The following ASF1B variants were observed in gnomAD, a reference collection of about 807,000 sequenced individuals.
ASF1B encodes anti-silencing function 1B histone chaperone.
In ASF1B, 10 loss-of-function variants were observed where a neutral mutation model predicts 16.6. That is an observed-to-expected ratio of 0.60 (90% CI 0.37 to 1.02). The LOEUF is 1.02. Among genes scored for constraint, ASF1B ranks in the 50% least tolerant of loss-of-function variants. ASF1B has a pLI of 0.01. For missense variants in ASF1B, 240 were observed against 266.0 expected (o/e 0.90, Z 0.68); for synonymous variants, 101 against 106.2 (o/e 0.95, Z 0.30).
chr19:14,136,212 G>A, intron 1 of ASF1B, 136 bp downstream of exon 1: 1 of 658,924 alleles, frequency 1.5e-6, no homozygotes. Flanking sequence ...TGACTGGCGG[G>A]CTGGGGGAGA....
chr19:14,128,257 C>T (rs1338552588), intron 1 of ASF1B, among the ~76,000 whole-genome samples: 1 of 152,188 alleles, frequency 6.6e-6, no homozygotes, highest in Non-Finnish European at 1.5e-5. Context: ...GTTCCTTGGT[C>T]CAGTGTCCCA....
intron 1 of ASF1B, among the ~76,000 whole-genome samples, chr19:14,133,150 AAATAAT>A (rs539390933): frequency 6.8e-6 from 1 of 146,752 alleles, no homozygotes; most frequent in Non-Finnish European, 1.5e-5. Flanking sequence ...ATAAATAAAT[AAATAAT>A]AATAATAGCA....
intron 3 of ASF1B, chr19:14,121,206 A>C: frequency 2.4e-6 from 1 of 424,708 alleles, no homozygotes; most frequent in South Asian, 5.7e-5. Context: ...CTGCAGCCTC[A>C]AACTCCTGGG....
At position 14,120,531 on chromosome 19, in the gene ASF1B, A is replaced by G. The variant is rs756444397; in HGVS notation, c.537T>C (p.Thr179=). 4 of 1,613,328 alleles carry G rather than the reference A, an allele frequency of 2.5e-6. No homozygotes were observed. In the Admixed American group the frequency reaches 6.7e-5, roughly 27 times the overall value. ...SLGCGLPLNC[T]PIKGLGLPGC... is the part of the protein sequence containing the mutation. ...CAGGGAGCCCCAAGCCCTTGATAGG[A>G]GTGCAGTTGAGTGGGAGGCCGCAGC... The change falls in exon 4 of 4, where the codon ACT becomes ACC. Residue 179 remains threonine, a synonymous_variant. Transcript: ENST00000263382.
At chr19:14,135,283 T>A (rs185050222) in intron 1 of ASF1B, among the ~76,000 whole-genome samples, 105 of 150,960 alleles carry the variant, frequency 7.0e-4, no homozygotes, top group African/African-American at 2.5e-3. Context: ...GAAAAATTGC[T>A]GCAGTAACTC....
intron 1 of ASF1B, among the ~76,000 whole-genome samples, chr19:14,135,195 G>T (rs1482905265): frequency 7.0e-6 from 1 of 143,324 alleles, no homozygotes; most frequent in African/African-American, 2.6e-5. Context: ...TTGCACTCCA[G>T]CCTGGGCAAC....
Position 14,121,667 on chromosome 19 carries a change from G to C in ASF1B, c.267C>G (p.Ala89=). 1 of 1,613,928 alleles carries C rather than the reference G, an allele frequency of 6.2e-7. No individual in the cohort carries two copies. Among genetic ancestry groups the C allele is most frequent in the Non-Finnish European group, 8.5e-7 (1 of 1,179,936 alleles). The change falls in exon 3 of 4, where the codon GCC becomes GCG. Residue 89 remains alanine, a synonymous_variant. Transcript: ENST00000263382. ...TGATGAGGACCACAGTCACACCCAC[G>C]GCATCAGTCTCTGGGATGAGGGATG... is the stretch of plus-strand genomic sequence containing the variant. ...PNPSLIPETD[A]VGVTVVLITC...
Position 14,121,629 on chromosome 19 carries a change from T to TGG in ASF1B, c.303_304dup (p.His102ProfsTer28). On this transcript the variant is annotated frameshift_variant, in exon 3 of 4. Transcript: ENST00000263382. LOFTEE classifies it high-confidence loss of function. ...GCCCACTCGGATGAACTCCTGTCCA[T>TGG]GGTAGGTGCAGGTGATGAGGACCAC... 1 of 1,613,934 alleles carries TGG rather than the reference T, an allele frequency of 6.2e-7. No homozygotes were observed. Among genetic ancestry groups the TGG allele is most frequent in the Non-Finnish European group, 8.5e-7 (1 of 1,179,980 alleles).
At chr19:14,129,121 G>A (rs1280846863) in intron 1 of ASF1B, among the ~76,000 whole-genome samples, 1 of 152,158 alleles carries the variant, frequency 6.6e-6, no homozygotes, top group Non-Finnish European at 1.5e-5. Context: ...GGGTGTGGTG[G>A]CGCGTGCCGG....
chr19:14,136,457 C>G lies in ASF1B; in HGVS notation c.-1G>C. On this transcript the variant is annotated 5_prime_UTR_variant, in exon 1 of 4. Transcript: ENST00000263382. Reference sequence around the variant, plus strand: ...CGTTCAGCACCGACACCTTGGCCATCGCCTCGCCTCGCCGCGCCGCAGCAG... The same window carrying G: ...CGTTCAGCACCGACACCTTGGCCATGGCCTCGCCTCGCCGCGCCGCAGCAG... 1 of 1,611,578 alleles carries G rather than the reference C, an allele frequency of 6.2e-7. No homozygotes were observed. Among genetic ancestry groups the G allele is most frequent in the Non-Finnish European group, 8.5e-7 (1 of 1,178,452 alleles).
intron 1 of ASF1B, among the ~76,000 whole-genome samples, chr19:14,126,788 G>T (rs1388404350): frequency 6.6e-6 from 1 of 152,100 alleles, no homozygotes; most frequent in Non-Finnish European, 1.5e-5. Context: ...TGTATTTTTA[G>T]TAGAGATGGG....
chr19:14,126,091 G>A, intron 2 of ASF1B, 31 bp downstream of exon 2: 6 of 1,479,826 alleles, frequency 4.1e-6, no homozygotes, highest in African/African-American at 1.4e-5. Context: ...TAGGAATCAA[G>A]GGCTAAGGCC....
At chr19:14,125,092 G>A (rs548680351) in intron 2 of ASF1B, among the ~76,000 whole-genome samples, 10 of 152,072 alleles carry the variant, frequency 6.6e-5, no homozygotes, top group Admixed American at 2.0e-4. Flanking sequence ...GCAGCCTCCC[G>A]AGTAGCTGGG....
At chr19:14,125,768 G>A (rs992968460) in intron 2 of ASF1B, among the ~76,000 whole-genome samples, 1 of 152,130 alleles carries the variant, frequency 6.6e-6, no homozygotes, top group Non-Finnish European at 1.5e-5. Context: ...GCCCCAGCTG[G>A]TCTCAAACTC....
chr19:14,122,026 G>A (rs1210802236), intron 2 of ASF1B, among the ~76,000 whole-genome samples: 1 of 151,728 alleles, frequency 6.6e-6, no homozygotes, highest in African/African-American at 2.4e-5. Flanking sequence ...CGCCTCACGG[G>A]TTCAAGCGAT....
At chr19:14,132,366 G>A (rs1967419249) in intron 1 of ASF1B, among the ~76,000 whole-genome samples, 1 of 151,982 alleles carries the variant, frequency 6.6e-6, no homozygotes, top group Admixed American at 6.6e-5. Flanking sequence ...TGACGCTGCT[G>A]AGAGTGAGGC....
chr19:14,129,676 G>T, intron 1 of ASF1B, among the ~76,000 whole-genome samples: 1 of 43,168 alleles, frequency 2.3e-5, no homozygotes, highest in East Asian at 1.0e-3. Flanking sequence ...GCCAGCCTCC[G>T]TCAAAAAAAA....
At chr19:14,126,352 T>C in intron 1 of ASF1B, 115 bp from the exon 2 acceptor site, 2 of 692,800 alleles carry the variant, frequency 2.9e-6, no homozygotes, top group Non-Finnish European at 5.0e-6. Flanking sequence ...TCACACAGGT[T>C]AGAATACAGT....
intron 1 of ASF1B, among the ~76,000 whole-genome samples, chr19:14,127,309 G>C (rs2144514067): frequency 6.6e-6 from 1 of 152,340 alleles, no homozygotes; most frequent in East Asian, 1.9e-4. Flanking sequence ...TATGGCAGAG[G>C]CTGAATTAAG....
Sources: allele counts gnomAD v4.1 joint callset (sites outside exome capture counted in the v4.1 genomes callset), GRCh38; gene constraint gnomAD v4.1.1; transcripts MANE v1.5; gene names NCBI Gene and HGNC (gene_info 2026-07-23, HGNC 2026-07-21).